The following ADAM2 variants were observed in gnomAD, a reference collection of about 807,000 sequenced individuals.
The protein encoded by ADAM2 is ADAM metallopeptidase domain 2, also known as disintegrin and metalloproteinase domain-containing protein 2.
ADAM2 carries 101 observed loss-of-function variants against 99.3 expected under a neutral mutation model. The ratio of observed to expected loss-of-function variants is 1.02; its 90% CI spans 0.87 to 1.20. The LOEUF is 1.20. Among genes scored for constraint, ADAM2 ranks in the 50% most tolerant of loss-of-function variants. The pLI is 0.00. For synonymous variants in ADAM2, 323 were observed against 287.6 expected (o/e 1.12, Z -1.25); for missense variants, 948 against 878.7 (o/e 1.08, Z -1.00).
chr8:39,811,840 T>G (rs1249945229), intron 6 of ADAM2, among the ~76,000 whole-genome samples: 1 of 152,166 alleles, frequency 6.6e-6, no homozygotes, highest in Non-Finnish European at 1.5e-5. Flanking sequence ...GGGCAAAAAC[T>G]GGAAGCATTC....
chr8:39,757,527 C>T (rs1033773503), intron 15 of ADAM2, among the ~76,000 whole-genome samples: 3 of 152,064 alleles, frequency 2.0e-5, no homozygotes, highest in Non-Finnish European at 4.4e-5. Context: ...AGACTGAGAA[C>T]TGAAATCTGA....
At chr8:39,794,343 G>T (rs992797292) in intron 7 of ADAM2, among the ~76,000 whole-genome samples, 5 of 152,072 alleles carry the variant, frequency 3.3e-5, no homozygotes, top group Non-Finnish European at 7.4e-5. Context: ...CTAGAAATAT[G>T]GGAATGAATT....
At chr8:39,747,544 T>A (rs985284612) in intron 18 of ADAM2, among the ~76,000 whole-genome samples, 3 of 152,170 alleles carry the variant, frequency 2.0e-5, no homozygotes, top group African/African-American at 7.2e-5. Flanking sequence ...AACAGAGGTG[T>A]TTACAGTCAA....
At chr8:39,744,224 A>G (rs1453877485) in intron 20 of ADAM2, among the ~76,000 whole-genome samples, 160 bp from the exon 21 acceptor site, 3 of 152,206 alleles carry the variant, frequency 2.0e-5, no homozygotes, top group African/African-American at 4.8e-5. Context: ...AGTAAAATTA[A>G]CTAAAGAAAA....
At chr8:39,756,163 G>A (rs112070402) in intron 15 of ADAM2, among the ~76,000 whole-genome samples, 15 of 152,190 alleles carry the variant, frequency 9.9e-5, no homozygotes, top group South Asian at 6.2e-4. Context: ...GGCAAAAGCC[G>A]CAATCACTTT....
At chr8:39,836,538 C>T (rs891706824) in intron 2 of ADAM2, among the ~76,000 whole-genome samples, 2 of 140,380 alleles carry the variant, frequency 1.4e-5, no homozygotes, top group African/African-American at 5.2e-5. Context: ...GCTACCAAAC[C>T]AAAAAAAAAA....
chr8:39,796,464 C>T (rs1022600871), intron 7 of ADAM2, among the ~76,000 whole-genome samples: 4 of 152,086 alleles, frequency 2.6e-5, no homozygotes, highest in Non-Finnish European at 4.4e-5. Context: ...GACTTGGATC[C>T]ATGTCTTTGC....
intron 7 of ADAM2, among the ~76,000 whole-genome samples, chr8:39,790,047 G>A (rs1197378284): frequency 6.6e-6 from 1 of 151,786 alleles, no homozygotes; most frequent in African/African-American, 2.4e-5. Flanking sequence ...AACAAGTGTT[G>A]GTGAGGATGT....
chr8:39,801,668 G>C (rs980267995), intron 7 of ADAM2, among the ~76,000 whole-genome samples: 1 of 151,648 alleles, frequency 6.6e-6, no homozygotes, highest in Non-Finnish European at 1.5e-5. Flanking sequence ...TCCCCCTGGG[G>C]GCTCAGGCTC....
rs201261869 is a variant in ADAM2, at chr8:39,791,059, T to TA, written c.571-2320dup. Among the ~76,000 whole-genome samples, 346 of 143,346 alleles carry TA rather than the reference T, an allele frequency of 2.4e-3. 2 individuals carry two copies. The highest frequency in any genetic ancestry group is 0.02 in the South Asian group (92 of 4,548). 94.0% of individuals were successfully genotyped at this position (143,346 alleles called of 152,430 possible). On this transcript the variant is annotated intron_variant, in intron 7 of 20. Coordinates refer to ENST00000265708, the MANE Select transcript of ADAM2 (RefSeq NM_001464.5). ...AAATATAATTATAACACTTACAATT[T>TA]AAAAAAAAAAAAGGATGTAAGGCCT...
chr8:39,794,178 A>G (rs1370107432), intron 7 of ADAM2, among the ~76,000 whole-genome samples: 1 of 152,146 alleles, frequency 6.6e-6, no homozygotes, highest in African/African-American at 2.4e-5. Context: ...ATGTTGATGT[A>G]TGCCTTGTAG....
At chr8:39,829,414 T>C (rs1211739321) in intron 3 of ADAM2, among the ~76,000 whole-genome samples, 5 of 152,074 alleles carry the variant, frequency 3.3e-5, no homozygotes, top group Admixed American at 3.3e-4. Flanking sequence ...GTTAGAGAAA[T>C]TATTTACAGT....
intron 7 of ADAM2, among the ~76,000 whole-genome samples, chr8:39,806,801 G>A (rs1804460157): frequency 1.3e-5 from 2 of 152,100 alleles, no homozygotes; most frequent in South Asian, 2.1e-4. Context: ...CTAAGGAAAT[G>A]GCTGCACAAT....
At chr8:39,766,438 C>CTT (rs770236532) in intron 14 of ADAM2, among the ~76,000 whole-genome samples, 2 of 142,624 alleles carry the variant, frequency 1.4e-5, no homozygotes, top group Admixed American at 7.0e-5. Context: ...ACAGTATTCT[C>CTT]TTTTTTTTTT....
chr8:39,800,355 C>A (rs1030598023), intron 7 of ADAM2, among the ~76,000 whole-genome samples: 1 of 152,132 alleles, frequency 6.6e-6, no homozygotes, highest in African/African-American at 2.4e-5. Flanking sequence ...TATTGGCTCC[C>A]AATTTCTTCT....
At chr8:39,834,371 G>A (rs746117268) in intron 2 of ADAM2, among the ~76,000 whole-genome samples, 19 of 152,048 alleles carry the variant, frequency 1.2e-4, no homozygotes, top group Non-Finnish European at 2.6e-4. Context: ...GATTTTGGAT[G>A]CTGTTTATAT....
At chr8:39,744,498 G>A (rs902822335) in intron 20 of ADAM2, among the ~76,000 whole-genome samples, 1 of 151,900 alleles carries the variant, frequency 6.6e-6, no homozygotes, top group Admixed American at 6.6e-5. Flanking sequence ...CATGGATGAA[G>A]CTGGAAGCCA....
At chr8:39,832,513 T>C (rs1392000971) in intron 3 of ADAM2, among the ~76,000 whole-genome samples, 1 of 152,210 alleles carries the variant, frequency 6.6e-6, no homozygotes, top group Non-Finnish European at 1.5e-5. Context: ...GTAAAAACAA[T>C]GAAAGCTTTG....
intron 8 of ADAM2, 41 bp from the exon 9 acceptor site, chr8:39,788,292 G>T: frequency 7.6e-7 from 1 of 1,312,164 alleles, no homozygotes; most frequent in Non-Finnish European, 1.0e-6. Flanking sequence ...AAAAGTCACA[G>T]TTTTTAAAAA....
Sources: allele counts gnomAD v4.1 joint callset (sites outside exome capture counted in the v4.1 genomes callset), GRCh38; gene constraint gnomAD v4.1.1; transcripts MANE v1.5; gene names NCBI Gene and HGNC (gene_info 2026-07-23, HGNC 2026-07-21).